INTS3: variants seen among roughly 807,000 people sequenced by gnomAD.
INTS3 encodes the protein SOSS complex subunit A.
In INTS3, 34 loss-of-function variants were observed where a neutral mutation model predicts 146.3. That is an observed-to-expected ratio of 0.23 (90% CI 0.18 to 0.31). The LOEUF is 0.31. Ranked by LOEUF, INTS3 falls within the 10% of genes least tolerant of loss-of-function variation. INTS3 has a pLI of 1.00. For synonymous variants in INTS3, 475 were observed against 494.9 expected, an observed-to-expected ratio of 0.96 and a Z score of 0.53; for missense variants, 757 against 1,304.2, an observed-to-expected ratio of 0.58 and a Z score of 6.46.
chr1:153,736,411 TG>T (rs1020614886), intron 1 of INTS3, among the ~76,000 whole-genome samples: 1 of 152,036 alleles, frequency 6.6e-6, no homozygotes, highest in Non-Finnish European at 1.5e-5. Flanking sequence ...ATAGGCAACC[TG>T]AGGATAATGG....
intron 3 of INTS3, among the ~76,000 whole-genome samples, chr1:153,743,105 A>G (rs564203040): frequency 3.9e-4 from 60 of 152,358 alleles, no homozygotes; most frequent in African/African-American, 1.3e-3. Flanking sequence ...TTAGTGACGT[A>G]TCTCCCTAGA....
At chr1:153,758,298 T>C (rs1672237327) in intron 10 of INTS3, among the ~76,000 whole-genome samples, 1 of 152,212 alleles carries the variant, frequency 6.6e-6, no homozygotes, top group South Asian at 2.1e-4. Flanking sequence ...CTCCCCCATT[T>C]GACTGGGTCC....
chr1:153,764,781 T>C lies in INTS3; in HGVS notation c.1970+47T>C, dbSNP rs1372840305. 1.9e-6 allele frequency: 3 copies of C among 1,540,856 alleles called. No individual in the cohort carries two copies. The East Asian group carries it at 6.7e-5, about 35-fold the overall frequency. On this transcript the variant is annotated intron_variant, in intron 19 of 29. Coordinates refer to ENST00000318967, the MANE Select transcript of INTS3 (RefSeq NM_023015.5). ...ATACTGTTCTACCCTCCATCCTCCC[T>C]GACAGCACACACATGTGCTCCTGTC...
chr1:153,732,464 A>T (rs1327262585), intron 1 of INTS3, among the ~76,000 whole-genome samples: 6 of 146,548 alleles, frequency 4.1e-5, no homozygotes, highest in Non-Finnish European at 7.5e-5. Context: ...TTTTTTTTTT[A>T]AACGGAGTTT....
intron 1 of INTS3, among the ~76,000 whole-genome samples, chr1:153,735,726 A>G (rs1277366876): frequency 6.6e-6 from 1 of 152,006 alleles, no homozygotes; most frequent in Non-Finnish European, 1.5e-5. Flanking sequence ...TCTTGGGTAG[A>G]GAGGGATGAT....
chr1:153,751,015 AGCCAAGCC>A, intron 6 of INTS3, 72 bp from the exon 7 acceptor site: 1 of 1,439,716 alleles, frequency 6.9e-7, no homozygotes, highest in Non-Finnish European at 9.5e-7. Context: ...GAGGCACTGT[AGCCAAGCC>A]CAAGAAGCGT....
chr1:153,767,838 G>A lies in INTS3; in HGVS notation c.2244+11G>A. 6.3e-7 allele frequency: 1 copy of A among 1,597,994 alleles called. No individual in the cohort carries two copies. The highest frequency in any genetic ancestry group is 8.5e-7 in the Non-Finnish European group (1 of 1,170,890). ...TCCATCTACACAGAGGTCAGTGCCTGCATCCGTATCTGTGCCGGGGGGCTC... is the reference window on the plus strand; with the variant it reads ...TCCATCTACACAGAGGTCAGTGCCTACATCCGTATCTGTGCCGGGGGGCTC... On this transcript the variant is annotated intron_variant, in intron 21 of 29. Coordinates refer to ENST00000318967, the MANE Select transcript of INTS3 (RefSeq NM_023015.5).
rs926343395 is a variant in INTS3, at chr1:153,728,083, C to T, written c.-552C>T. Reference sequence around the variant, plus strand: ...ACCCCCCGCCCTTCCACTATGGCCGCTTCTGTGTGGTGTGGGGAGACGCTG... The same window carrying T: ...ACCCCCCGCCCTTCCACTATGGCCGTTTCTGTGTGGTGTGGGGAGACGCTG... On this transcript the variant is annotated 5_prime_UTR_variant, in exon 1 of 30. Transcript: ENST00000318967. The T allele has an allele frequency of 1.3e-4, 23 of 182,544 alleles. No individual in the cohort carries two copies. Among genetic ancestry groups the T allele is most frequent in the Non-Finnish European group, 2.0e-4 (18 of 91,228 alleles). 11.3% of individuals were successfully genotyped at this position (182,544 alleles called of 1,614,324 possible). A position where few individuals can be genotyped will look rare whatever the true frequency, so the allele number is the denominator to read the frequency against.
Position 153,751,100 on chromosome 1 carries a change from G to T in INTS3, c.590G>T (p.Trp197Leu). Reference protein sequence around the residue: ...VLDILTEQREWVLKSSILIAM... With the variant: ...VLDILTEQRELVLKSSILIAM... ...AGTGTGTTTCCTCCCTGCAGGGAGTGGGTCCTGAAGAGCAGCATCCTCATT... is the reference window on the plus strand; with the variant it reads ...AGTGTGTTTCCTCCCTGCAGGGAGTTGGTCCTGAAGAGCAGCATCCTCATT... The change falls in exon 7 of 30, where the codon TGG becomes TTG. Residue 197 changes from tryptophan (W) to leucine (L), a missense_variant. Coordinates refer to ENST00000318967, the MANE Select transcript of INTS3 (RefSeq NM_023015.5). 6.2e-7 allele frequency: 1 copy of T among 1,614,102 alleles called. No homozygotes were observed. The highest frequency in any genetic ancestry group is 8.5e-7 in the Non-Finnish European group (1 of 1,179,958).
chr1:153,760,452 C>T (rs1373295095), intron 12 of INTS3, 62 bp downstream of exon 12: 2 of 1,379,144 alleles, frequency 1.5e-6, no homozygotes, highest in East Asian at 2.3e-5. Context: ...TGTATCTCCC[C>T]TAATCTCCCA....
At chr1:153,763,793 T>A in intron 16 of INTS3, 39 bp from the exon 17 acceptor site, 3 of 1,584,802 alleles carry the variant, frequency 1.9e-6, no homozygotes, top group Non-Finnish European at 2.6e-6. Context: ...TCTGCTATCA[T>A]TTATGTCCCT....
rs1558012087 is a variant in INTS3 at position 153,772,019 on chromosome 1, T to TCGG, written c.2720+57_2720+59dup. On this transcript the variant is annotated intron_variant, in intron 26 of 29. Transcript: ENST00000318967. The surrounding 1 kb of genome is among the most constrained non-coding windows in gnomAD (Gnocchi z 4.6). ...CCATGGCGGTCTGCAGTGATTGCTG[T>TCGG]CGGTGGTGGTGGTGGTGGTGGTGGT... 4.9e-6 allele frequency: 7 copies of TCGG among 1,433,448 alleles called. No individual in the cohort carries two copies. Among genetic ancestry groups the TCGG allele is most frequent in the Non-Finnish European group, 6.6e-6 (7 of 1,054,596 alleles). 88.8% of individuals were successfully genotyped at this position (1,433,448 alleles called of 1,614,324 possible).
At position 153,728,411 on chromosome 1, in the gene INTS3, C is replaced by T; in HGVS notation, c.-224C>T. ...TACTTCGGAGCCAACGCCTTTCCCT[C>T]AGCACTGCCACCCCAGAGTCAGGAC... On this transcript the variant is annotated 5_prime_UTR_variant, in exon 1 of 30. Coordinates refer to ENST00000318967, the MANE Select transcript of INTS3 (RefSeq NM_023015.5). The T allele has an allele frequency of 3.8e-6, 2 of 521,730 alleles. No homozygotes were observed. Among genetic ancestry groups the T allele is most frequent in the Non-Finnish European group, 6.7e-6 (2 of 299,250 alleles). The allele number at this position is 521,730 out of a possible 1,614,324, so 32.3% of individuals were successfully genotyped here. A position where few individuals can be genotyped will look rare whatever the true frequency, so the allele number is the denominator to read the frequency against.
chr1:153,731,599 T>TC (rs1259597955), intron 1 of INTS3, among the ~76,000 whole-genome samples: 1 of 147,756 alleles, frequency 6.8e-6, no homozygotes, highest in Non-Finnish European at 1.5e-5. Flanking sequence ...TTTTTTTTTT[T>TC]TGAGATGGAG....
At chr1:153,754,329 AG>A (rs1196659588) in intron 8 of INTS3, among the ~76,000 whole-genome samples, 1 of 152,184 alleles carries the variant, frequency 6.6e-6, no homozygotes, top group Admixed American at 6.5e-5. Flanking sequence ...AAGAGCAGCC[AG>A]GGTTTCCCAT....
intron 7 of INTS3, 99 bp downstream of exon 7, chr1:153,751,338 G>A (rs1402219952): frequency 8.4e-6 from 10 of 1,190,812 alleles, no homozygotes; most frequent in Non-Finnish European, 1.2e-5. Flanking sequence ...TGTTAGAGAT[G>A]AAGGTGCATC....
chr1:153,768,870 T>C (rs1353027443), intron 21 of INTS3, 23 bp from the exon 22 acceptor site: 2 of 1,600,890 alleles, frequency 1.2e-6, no homozygotes, highest in East Asian at 4.5e-5. Context: ...TCCAGGACTC[T>C]TCCCCTCTCT....
chr1:153,762,462 T>TA (rs1672418764), intron 14 of INTS3, among the ~76,000 whole-genome samples: 1 of 152,186 alleles, frequency 6.6e-6, no homozygotes, highest in Non-Finnish European at 1.5e-5. Context: ...TCCCTGATCT[T>TA]ACTCTAGTTA....
intron 8 of INTS3, among the ~76,000 whole-genome samples, chr1:153,754,223 A>G (rs1252341782): frequency 6.6e-6 from 1 of 152,190 alleles, no homozygotes; most frequent in Non-Finnish European, 1.5e-5. Context: ...GAGCTACAAT[A>G]GGATCTGGAT....
Sources: allele counts gnomAD v4.1 joint callset (sites outside exome capture counted in the v4.1 genomes callset), GRCh38; gene constraint gnomAD v4.1.1; non-coding constraint Gnocchi (gnomAD v3.1); transcripts MANE v1.5; gene names NCBI Gene and HGNC (gene_info 2026-07-23, HGNC 2026-07-21).